The following GPC6 variants were observed in gnomAD, a reference collection of about 807,000 sequenced individuals.
GPC6 encodes glypican-6.
Under a neutral mutation model 55.2 loss-of-function variants are expected in GPC6, and 14 were observed. The ratio of observed to expected loss-of-function variants is 0.25; its 90% confidence interval spans 0.17 to 0.40. The LOEUF (loss-of-function observed/expected upper bound fraction) is 0.40, where lower values mean the gene tolerates loss of function less well. GPC6 is among the 10% of genes least tolerant of loss of function. GPC6 has a pLI of 1.00. For missense variants in GPC6, 641 were observed against 708.5 expected, an observed-to-expected ratio of 0.90 and a Z score of 1.08; for synonymous variants, 278 against 259.6, an observed-to-expected ratio of 1.07 and a Z score of -0.68.
At chr13:93,501,433 C>G (rs371352158) in intron 1 of GPC6, among the ~76,000 whole-genome samples, 1 of 152,104 alleles carries the variant, frequency 6.6e-6, no homozygotes, top group Non-Finnish European at 1.5e-5. Context: ...ATTTCTAGAA[C>G]AGAAATTACT....
chr13:93,377,408 A>C (rs1874954089), intron 1 of GPC6, among the ~76,000 whole-genome samples: 1 of 152,216 alleles, frequency 6.6e-6, no homozygotes, highest in Non-Finnish European at 1.5e-5. Context: ...AGTGTCTTGC[A>C]CAATCCCCTA....
intron 2 of GPC6, among the ~76,000 whole-genome samples, chr13:93,600,690 G>T (rs1594301392): frequency 6.6e-6 from 1 of 152,090 alleles, no homozygotes; most frequent in Non-Finnish European, 1.5e-5. Context: ...TTCGGCTCAT[G>T]CCTGTAATCC....
chr13:93,261,780 GTC>G (rs1384776610), intron 1 of GPC6, among the ~76,000 whole-genome samples: 1 of 152,110 alleles, frequency 6.6e-6, no homozygotes, highest in East Asian at 1.9e-4. Flanking sequence ...GGATTTAACT[GTC>G]TCTTCACTTT....
chr13:94,199,609 T>C (rs1889689663), intron 4 of GPC6, among the ~76,000 whole-genome samples: 1 of 152,238 alleles, frequency 6.6e-6, no homozygotes, highest in Admixed American at 6.5e-5. Flanking sequence ...TGTTTCCTTA[T>C]CTGTCAAACA....
intron 3 of GPC6, among the ~76,000 whole-genome samples, chr13:93,849,649 C>T (rs1888326066): frequency 6.6e-6 from 1 of 152,092 alleles, no homozygotes; most frequent in Non-Finnish European, 1.5e-5. Flanking sequence ...AATGGAGCAA[C>T]TCTTCTTTCC....
At chr13:93,641,223 T>C (rs1225268989) in intron 2 of GPC6, among the ~76,000 whole-genome samples, 2 of 151,918 alleles carry the variant, frequency 1.3e-5, no homozygotes, top group African/African-American at 4.8e-5. Flanking sequence ...CACAATTGTG[T>C]CCCACTCCTC....
intron 3 of GPC6, among the ~76,000 whole-genome samples, chr13:93,900,304 C>G (rs1446114625): frequency 1.3e-5 from 2 of 152,082 alleles, no homozygotes; most frequent in Non-Finnish European, 2.9e-5. Context: ...ATTCAGTTGG[C>G]CTCTTCCATA....
chr13:93,892,749 A>G (rs767784791), intron 3 of GPC6, among the ~76,000 whole-genome samples: 2 of 152,164 alleles, frequency 1.3e-5, no homozygotes, highest in South Asian at 2.1e-4. Flanking sequence ...TCAACAACAT[A>G]TCATTAACCT....
chr13:93,626,024 G>A (rs1035828647), intron 2 of GPC6, among the ~76,000 whole-genome samples: 1 of 152,050 alleles, frequency 6.6e-6, no homozygotes, highest in Non-Finnish European at 1.5e-5. Flanking sequence ...GTTCCATCAT[G>A]ATTGATACAT....
intron 4 of GPC6, among the ~76,000 whole-genome samples, chr13:94,056,670 G>A (rs1287572105): frequency 6.6e-6 from 1 of 152,120 alleles, no homozygotes; most frequent in South Asian, 2.1e-4. Flanking sequence ...ACCCTCATGA[G>A]TAGTAGATGT....
At chr13:93,837,115 GA>G in intron 3 of GPC6, among the ~76,000 whole-genome samples, 1 of 152,180 alleles carries the variant, frequency 6.6e-6, no homozygotes, top group South Asian at 2.1e-4. Flanking sequence ...CAAGGAAAAT[GA>G]AGCTATCTAT....
At chr13:93,234,595 T>G in intron 1 of GPC6, among the ~76,000 whole-genome samples, 1 of 152,024 alleles carries the variant, frequency 6.6e-6, no homozygotes, top group East Asian at 1.9e-4. Context: ...AAATACTTAG[T>G]AGGTGAAATG....
chr13:93,323,484 A>G (rs918281790), intron 1 of GPC6, among the ~76,000 whole-genome samples: 5 of 151,628 alleles, frequency 3.3e-5, no homozygotes, highest in African/African-American at 1.2e-4. Context: ...TGAGCGTTTC[A>G]CTGTTTTATT....
chr13:93,911,549 T>C (rs918995823), intron 3 of GPC6, among the ~76,000 whole-genome samples: 1 of 152,168 alleles, frequency 6.6e-6, no homozygotes, highest in Non-Finnish European at 1.5e-5. Context: ...CTGGAAGCAC[T>C]GCATGGCAGT....
rs141252461 is a variant in GPC6 at position 93,265,807 on chromosome 13, C to CT, written c.160+38201dup. Among the ~76,000 whole-genome samples, 383 of 145,058 alleles carry CT rather than the reference C, an allele frequency of 2.6e-3. 1 individual carries two copies. The highest frequency in any genetic ancestry group is 8.8e-3 in the African/African-American group (348 of 39,408). On this transcript the variant is annotated intron_variant, in intron 1 of 8. Coordinates refer to ENST00000377047, the MANE Select transcript of GPC6 (RefSeq NM_005708.5). Reference sequence around the variant, plus strand: ...TTTATTTCTTTTTTTTCTTTTTTTTCTTTTTTTTTTCAGTTTTGCCCAGGT... The same window carrying CT: ...TTTATTTCTTTTTTTTCTTTTTTTTCTTTTTTTTTTTCAGTTTTGCCCAGGT...
chr13:93,221,534 C>T, the GPC6 span, among the ~76,000 whole-genome samples: 1 of 152,050 alleles, frequency 6.6e-6, no homozygotes, highest in South Asian at 2.1e-4. Flanking sequence ...TTCTCAGCTG[C>T]CCTAAAGATA....
Position 93,600,088 on chromosome 13 carries a change from C to T in GPC6, c.319+54667C>T, listed in dbSNP as rs117053513. ...TTAATGAATTTTTAAATTACGCTTT[C>T]TCATTCTTATAATAGTGTAGCAGCC... On this transcript the variant is annotated intron_variant, in intron 2 of 8. Transcript: ENST00000377047. Among the ~76,000 whole-genome samples the T allele has an allele frequency of 1.5e-4, 23 of 152,284 alleles. No homozygotes were observed. The East Asian group carries it at 4.4e-3, about 29-fold the overall frequency.
chr13:93,898,843 A>G (rs1170220657), intron 3 of GPC6, among the ~76,000 whole-genome samples: 1 of 151,074 alleles, frequency 6.6e-6, no homozygotes, highest in Non-Finnish European at 1.5e-5. Flanking sequence ...AGAGCAAAGC[A>G]AGCATTGCTT....
intron 6 of GPC6, among the ~76,000 whole-genome samples, chr13:94,372,292 A>T (rs56197042): frequency 2.0e-4 from 30 of 152,024 alleles, no homozygotes; most frequent in Admixed American, 2.6e-4. Context: ...TGCATTTCCA[A>T]CTGAGGTACC....
Sources: gnomAD v4.1 joint callset for allele counts (sites outside exome capture counted in the v4.1 genomes callset) on GRCh38, gnomAD v4.1.1 for gene constraint, MANE v1.5 for transcripts, NCBI Gene and HGNC (gene_info 2026-07-23, HGNC 2026-07-21) for gene names.